Variants in DNAH7 observed in about 807,000 individuals in gnomAD.
The protein encoded by DNAH7 is dynein axonemal heavy chain 7, also known as axonemal beta dynein heavy chain 7.
Under a neutral mutation model 444.6 loss-of-function variants are expected in DNAH7, and 397 were observed. The ratio of observed to expected loss-of-function variants is 0.89; its 90% confidence interval spans 0.82 to 0.97. The LOEUF (loss-of-function observed/expected upper bound fraction) is 0.97. Ranked by LOEUF, DNAH7 falls within the 50% of genes least tolerant of loss-of-function variation. The pLI is 0.00. For synonymous variants in DNAH7, 1,636 were observed against 1,624.4 expected (o/e 1.01, Z -0.17); for missense variants, 4,902 against 4,800.8 (o/e 1.02, Z -0.62).
At chr2:195,874,061 A>G (rs1700881174) in intron 38 of DNAH7, among the ~76,000 whole-genome samples, 1 of 152,296 alleles carries the variant, frequency 6.6e-6, no homozygotes, top group Middle Eastern at 3.4e-3. Flanking sequence ...ATATTATACA[A>G]TATTAACGTA....
chr2:195,845,441 T>C (rs1698927346), intron 46 of DNAH7, among the ~76,000 whole-genome samples: 1 of 152,178 alleles, frequency 6.6e-6, no homozygotes, highest in Non-Finnish European at 1.5e-5. Flanking sequence ...CCAATTGTTA[T>C]TATAAAGCTT....
chr2:196,068,092 G>A (rs1698526471), intron 1 of DNAH7, among the ~76,000 whole-genome samples: 1 of 152,212 alleles, frequency 6.6e-6, no homozygotes, highest in South Asian at 2.1e-4. Context: ...CTATTGCAAA[G>A]TGCATCTTTT....
intron 23 of DNAH7, among the ~76,000 whole-genome samples, chr2:195,922,883 A>T (rs1387142583): frequency 4.0e-5 from 6 of 150,810 alleles, no homozygotes; most frequent in Non-Finnish European, 5.9e-5. Flanking sequence ...TTTTTCTGAG[A>T]CAGGGTCTCA....
intron 51 of DNAH7, among the ~76,000 whole-genome samples, chr2:195,814,381 G>A (rs1030764342): frequency 6.6e-6 from 1 of 152,090 alleles, no homozygotes; most frequent in African/African-American, 2.4e-5. Flanking sequence ...TGGGTAAAAA[G>A]GATTTGCTTT....
intron 46 of DNAH7, among the ~76,000 whole-genome samples, chr2:195,850,092 T>C (rs10497769): frequency 0.015 from 2,216 of 152,216 alleles, 64 homozygotes; most frequent in African/African-American, 0.05. Flanking sequence ...TTGACAGGTA[T>C]AGTATGTTAC....
intron 12 of DNAH7, among the ~76,000 whole-genome samples, chr2:195,988,877 T>TA (rs1206082627): frequency 6.6e-6 from 1 of 152,144 alleles, no homozygotes; most frequent in Non-Finnish European, 1.5e-5. Flanking sequence ...ACCACTACTC[T>TA]ACTCTTTATT....
chr2:196,048,502 A>G, intron 3 of DNAH7, 98 bp from the exon 4 acceptor site: 1 of 896,150 alleles, frequency 1.1e-6, no homozygotes, highest in African/African-American at 1.7e-5. Flanking sequence ...CATTTTCTCA[A>G]ACAGATCAGA....
At chr2:195,923,867 A>G (rs1425364945) in intron 22 of DNAH7, 60 bp from the exon 23 acceptor site, 1 of 1,367,934 alleles carries the variant, frequency 7.3e-7, no homozygotes, top group East Asian at 2.4e-5. Flanking sequence ...TTTGAACAAA[A>G]CATTCTGAAC....
At chr2:195,889,035 G>A in intron 31 of DNAH7, 54 bp from the exon 32 acceptor site, 5 of 1,464,870 alleles carry the variant, frequency 3.4e-6, no homozygotes, top group East Asian at 4.7e-5. Flanking sequence ...ATAATATAAA[G>A]AAACAGTTCA....
At chr2:196,029,518 C>T (rs775090297) in intron 5 of DNAH7, among the ~76,000 whole-genome samples, 8 of 151,908 alleles carry the variant, frequency 5.3e-5, no homozygotes, top group African/African-American at 7.3e-5. Flanking sequence ...TGCTCCTCAC[C>T]GAGAGCAATA....
At chr2:195,979,243 C>T (rs1484639063) in intron 15 of DNAH7, among the ~76,000 whole-genome samples, 1 of 152,046 alleles carries the variant, frequency 6.6e-6, no homozygotes, top group Non-Finnish European at 1.5e-5. Context: ...AATCTTAAAA[C>T]TTTCAAAAAA....
At chr2:196,056,455 CT>C (rs1347957722) in intron 2 of DNAH7, among the ~76,000 whole-genome samples, 3 of 149,556 alleles carry the variant, frequency 2.0e-5, no homozygotes, top group Non-Finnish European at 3.0e-5. Context: ...AATGTTTTTT[CT>C]TTTCTGCAGG....
At chr2:195,884,847 G>C (rs772001508) in intron 34 of DNAH7, 38 bp from the exon 35 acceptor site, 34 of 1,531,616 alleles carry the variant, frequency 2.2e-5, no homozygotes, top group Non-Finnish European at 2.9e-5. Flanking sequence ...AACAATTAAA[G>C]AATAATTTTA....
chr2:196,019,351 C>G, intron 8 of DNAH7, 56 bp from the exon 9 acceptor site: 2 of 1,349,902 alleles, frequency 1.5e-6, no homozygotes, highest in Non-Finnish European at 9.8e-7. Flanking sequence ...TTTATAGTAA[C>G]TGTACATTTT....
chr2:195,738,737 G>A (rs1311361573), intron 64 of DNAH7, among the ~76,000 whole-genome samples: 1 of 152,146 alleles, frequency 6.6e-6, no homozygotes, highest in Non-Finnish European at 1.5e-5. Context: ...ATCTTTGAAT[G>A]TAAGAGTAAG....
At chr2:195,899,775 C>G (rs1686584954) in intron 28 of DNAH7, among the ~76,000 whole-genome samples, 1 of 152,052 alleles carries the variant, frequency 6.6e-6, no homozygotes, top group Non-Finnish European at 1.5e-5. Flanking sequence ...CTACAATATA[C>G]TCTCAATGAA....
At chr2:195,998,857 C>T in intron 12 of DNAH7, 1 of 405,310 alleles carries the variant, frequency 2.5e-6, no homozygotes. Flanking sequence ...ATAAAGCTGA[C>T]TTTATCTTTT....
intron 1 of DNAH7, among the ~76,000 whole-genome samples, chr2:196,066,070 T>C (rs1035733553): frequency 6.6e-6 from 1 of 152,126 alleles, no homozygotes; most frequent in African/African-American, 2.4e-5. Context: ...TGCTAAGGAG[T>C]CTGGGTCTTC....
intron 21 of DNAH7, among the ~76,000 whole-genome samples, chr2:195,926,947 G>C (rs1275271584): frequency 6.6e-6 from 1 of 151,748 alleles, no homozygotes; most frequent in Admixed American, 6.6e-5. Context: ...CAAATTTATA[G>C]ATTATTTTCT....
Sources: allele counts gnomAD v4.1 joint callset (sites outside exome capture counted in the v4.1 genomes callset), GRCh38; gene constraint gnomAD v4.1.1; transcripts MANE v1.5; gene names NCBI Gene and HGNC (gene_info 2026-07-23, HGNC 2026-07-21).